Variants in FBXO5 observed in about 807,000 individuals in gnomAD.
The protein encoded by FBXO5 is F-box only protein 5.
A neutral mutation model predicts 43.3 loss-of-function variants in FBXO5; 8 were observed. The ratio of observed to expected loss-of-function variants is 0.18; its 90% CI spans 0.11 to 0.33. The LOEUF (loss-of-function observed/expected upper bound fraction) is 0.33. Ranked by LOEUF, FBXO5 falls within the 10% of genes least tolerant of loss-of-function variation. The probability of loss-of-function intolerance (pLI) is 1.00; values close to 1 mark genes in which losing one functional copy is unlikely to be tolerated. For synonymous variants in FBXO5, 204 were observed against 193.7 expected (o/e 1.05, Z -0.44); for missense variants, 491 against 535.7 (o/e 0.92, Z 0.82).
At position 152,975,040 on chromosome 6, in the gene FBXO5, A is replaced by G; in HGVS notation, c.685T>C (p.Phe229Leu). The part of the protein sequence containing the change: ...MLKEIIARGN[F>L]RLQNIIGRKM... ...CTGCCAATTATATTCTGCAGTCTAA[A>G]ATTTCCTCTGGCTATAATTTCCTTC... The change falls in exon 2 of 5, where the codon TTT (phenylalanine) becomes CTT (leucine). Residue 229 changes from phenylalanine to leucine, a missense_variant. Coordinates refer to ENST00000229758, the MANE Select transcript of FBXO5 (RefSeq NM_012177.5). The G allele has an allele frequency of 6.2e-7, 1 of 1,614,112 alleles. No homozygotes were observed. The highest frequency in any genetic ancestry group is 1.6e-4 in the Middle Eastern group (1 of 6,062).
At chr6:152,976,805 T>C (rs781482044) in intron 1 of FBXO5, among the ~76,000 whole-genome samples, 2 of 152,190 alleles carry the variant, frequency 1.3e-5, no homozygotes, top group South Asian at 2.1e-4. Flanking sequence ...AAGATAGCTT[T>C]AAAGCAAGAT....
Position 152,971,034 on chromosome 6 carries a change from GA to G in FBXO5, c.*128del, listed in dbSNP as rs57467405. 0.2 allele frequency: 166,775 copies of G among 840,586 alleles called. 18,353 individuals carry two copies. Among genetic ancestry groups the G allele is most frequent in the Non-Finnish European group, 0.23 (132,156 of 581,914 alleles). The allele number at this position is 840,586 out of a possible 1,614,324, so 52.1% of individuals were successfully genotyped here. A position where few individuals can be genotyped will look rare whatever the true frequency, so the allele number is the denominator to read the frequency against. ...GTCTATCCTCTTTATCTTCTGGGGG[GA>G]AAAAAACCTCAGGATACTACACCGA... On this transcript the variant is annotated 3_prime_UTR_variant, in exon 5 of 5. Transcript: ENST00000229758.
At chr6:152,978,760 GGGGGACTGCTTGAGCTCAGGAGTTCAGA>G (rs1231848068) in intron 1 of FBXO5, among the ~76,000 whole-genome samples, 1 of 152,088 alleles carries the variant, frequency 6.6e-6, no homozygotes, top group African/African-American at 2.4e-5. Flanking sequence ...GGCTGAGGTT[GGGGGACTGCTTGAGCTCAGGAGTTCAGA>G]CCAGTCTGGG....
intron 1 of FBXO5, 38 bp downstream of exon 1, chr6:152,982,803 CCGTGCACCCCTCCTGG>C: frequency 7.9e-7 from 1 of 1,271,048 alleles, no homozygotes; most frequent in Non-Finnish European, 1.0e-6. Context: ...GCGACCCTCC[CCGTGCACCCCTCCTGG>C]CGTGCGCGCC....
intron 1 of FBXO5, among the ~76,000 whole-genome samples, chr6:152,979,309 T>C (rs1366375867): frequency 1.3e-5 from 2 of 152,198 alleles, no homozygotes; most frequent in Non-Finnish European, 2.9e-5. Context: ...TCCTTGTTTA[T>C]AATTACCTTG....
At chr6:152,975,714 C>A in intron 1 of FBXO5, 93 bp from the exon 2 acceptor site, 1 of 754,216 alleles carries the variant, frequency 1.3e-6, no homozygotes, top group Admixed American at 2.7e-5. Flanking sequence ...ACTTTGCAAT[C>A]TCTCAGCATT....
intron 1 of FBXO5, among the ~76,000 whole-genome samples, chr6:152,979,427 G>A (rs1343428618): frequency 6.6e-6 from 1 of 152,196 alleles, no homozygotes; most frequent in Non-Finnish European, 1.5e-5. Flanking sequence ...CAGAGGTAAG[G>A]TGCTATGATT....
rs1285673995 is a variant in FBXO5 at position 152,975,532 on chromosome 6, G to A, written c.193C>T (p.Pro65Ser). 6.2e-7 allele frequency: 1 copy of A among 1,613,524 alleles called. No homozygotes were observed. Among genetic ancestry groups the A allele is most frequent in the Non-Finnish European group, 8.5e-7 (1 of 1,179,910 alleles). ...GAAACTAGTCTTCCAATGTCATCAG[G>A]TTTTACCAGTTTAAGTCCGGAATGA... Reference protein sequence around the residue: ...HVHSGLKLVKPDDIGRLVSYT... With the variant: ...HVHSGLKLVKSDDIGRLVSYT... Residue 65 changes from proline (P) to serine (S), a missense_variant, in exon 2 of 5, where the codon CCT (proline) becomes TCT (serine). Coordinates refer to ENST00000229758, the MANE Select transcript of FBXO5 (RefSeq NM_012177.5).
intron 1 of FBXO5, among the ~76,000 whole-genome samples, chr6:152,978,377 TGGGGGGGGGG>T (rs1157375982): frequency 4.7e-5 from 1 of 21,110 alleles, no homozygotes; most frequent in Admixed American, 8.6e-4. Flanking sequence ...CTTCATTTTT[TGGGGGGGGGG>T]GGGGGGCGGG....
chr6:152,972,921 C>A, intron 3 of FBXO5, 125 bp downstream of exon 3: 4 of 544,874 alleles, frequency 7.3e-6, no homozygotes, highest in Non-Finnish European at 6.2e-6. Context: ...TTCTAAGTTC[C>A]AGTATAAGGC....
At chr6:152,972,942 T>A in intron 3 of FBXO5, 104 bp downstream of exon 3, 1 of 804,620 alleles carries the variant, frequency 1.2e-6, no homozygotes, top group Non-Finnish European at 2.0e-6. Context: ...TGAAATACTT[T>A]ATGACTGTAA....
Position 152,983,019 on chromosome 6 carries a change from C to CT in FBXO5, c.-61dup, listed in dbSNP as rs1778290486. On this transcript the variant is annotated 5_prime_UTR_variant, in exon 1 of 5. Transcript: ENST00000229758. ...ACCGCTCCGGGGGCAGCTGAGCAAC[C>CT]TGCCTGCTTCACAGACCTGTATCTC... 3 of 1,048,384 alleles carry CT rather than the reference C, an allele frequency of 2.9e-6. No homozygotes were observed. Among genetic ancestry groups the CT allele is most frequent in the Non-Finnish European group, 2.6e-6 (2 of 780,008 alleles). 64.9% of individuals were successfully genotyped at this position (1,048,384 alleles called of 1,614,324 possible).
intron 1 of FBXO5, among the ~76,000 whole-genome samples, chr6:152,978,376 TTGG>T (rs1427688952): frequency 0.1 from 559 of 5,574 alleles, 109 homozygotes; most frequent in African/African-American, 0.28. Context: ...GCTTCATTTT[TTGG>T]GGGGGGGGGG....
chr6:152,983,102 G>C, upstream of FBXO5: 1 of 465,580 alleles, frequency 2.1e-6, no homozygotes. Flanking sequence ...AAATCCGCGC[G>C]GTCCAATGAG....
chr6:152,983,195 C>T, upstream of FBXO5: 1 of 389,414 alleles, frequency 2.6e-6, no homozygotes, highest in South Asian at 8.5e-5. Context: ...GCTGCCGAGG[C>T]GGGGCCGAGC....
chr6:152,982,864 G>A lies in FBXO5; in HGVS notation c.96C>T (p.Pro32=), dbSNP rs1211174406. The change falls in exon 1 of 5, where the codon CCC becomes CCT. Residue 32 remains proline, a synonymous_variant. Transcript: ENST00000229758. ...ACCGCTCCCCTCACTCACTATCCGA[G>A]GGTCGAGGGCGCCCGGCGGCTGTCA... ...SAVTAAGRPR[P]SDSCKEESST... is the part of the protein sequence containing the mutation. 1 of 1,510,114 alleles carries A rather than the reference G, an allele frequency of 6.6e-7. No individual in the cohort carries two copies. Among genetic ancestry groups the A allele is most frequent in the Non-Finnish European group, 8.8e-7 (1 of 1,135,972 alleles). The allele number at this position is 1,510,114 out of a possible 1,614,324, so 93.5% of individuals were successfully genotyped here.
Position 152,975,076 on chromosome 6 carries a change from G to C in FBXO5, c.649C>G (p.Arg217Gly), listed in dbSNP as rs199732439. ...KNAKRNPKVD[R>G]EMLKEIIARG... ...GCTATAATTTCCTTCAGCATCTCCC[G>C]ATCTACTTTAGGATTTCGTTTTGCA... is the stretch of plus-strand genomic sequence containing the variant. The change falls in exon 2 of 5, where the codon CGG (arginine) becomes GGG (glycine). Residue 217 changes from arginine (R) to glycine (G), a missense_variant. Arg to Gly is a moderately radical substitution (Grantham distance 125). Coordinates refer to ENST00000229758, the MANE Select transcript of FBXO5 (RefSeq NM_012177.5). 2 of 1,614,046 alleles carry C rather than the reference G, an allele frequency of 1.2e-6. No individual in the cohort carries two copies. The highest frequency in any genetic ancestry group is 1.7e-6 in the Non-Finnish European group (2 of 1,180,004).
In FBXO5 at chr6:152,982,892, G is replaced by A. The variant is rs748844349; in HGVS notation, c.68C>T (p.Ala23Val). ...PRCSCSASPS[A>V]VTAAGRPRPS... ...TCGAGGGCGCCCGGCGGCTGTCACT[G>A]CGCTGGGGCTGGCGCTGCAGGAGCA... The change falls in exon 1 of 5, where the codon GCA becomes GTA. Residue 23 changes from alanine to valine, a missense_variant. Coordinates refer to ENST00000229758, the MANE Select transcript of FBXO5 (RefSeq NM_012177.5). 33 of 1,512,446 alleles carry A rather than the reference G, an allele frequency of 2.2e-5. No individual in the cohort carries two copies. Among genetic ancestry groups the A allele is most frequent in the Non-Finnish European group, 2.7e-5 (31 of 1,137,294 alleles). The allele number at this position is 1,512,446 out of a possible 1,614,324, so 93.7% of individuals were successfully genotyped here. A position where few individuals can be genotyped will look rare whatever the true frequency, so the allele number is the denominator to read the frequency against.
chr6:152,980,942 T>C (rs1778249833), intron 1 of FBXO5, among the ~76,000 whole-genome samples: 1 of 152,200 alleles, frequency 6.6e-6, no homozygotes, highest in Non-Finnish European at 1.5e-5. Flanking sequence ...AAGGGTCTAG[T>C]CAATACAATC....
Sources: allele counts gnomAD v4.1 joint callset (sites outside exome capture counted in the v4.1 genomes callset), GRCh38; gene constraint gnomAD v4.1.1; transcripts MANE v1.5; gene names NCBI Gene and HGNC (gene_info 2026-07-23, HGNC 2026-07-21).